Variants in BPTF observed in about 807,000 individuals in gnomAD.
The protein encoded by BPTF is bromodomain PHD finger transcription factor.
BPTF carries 18 observed loss-of-function variants against 292.5 expected under a neutral mutation model. That is an observed-to-expected ratio of 0.06 (90% CI 0.04 to 0.09). BPTF has a LOEUF of 0.09. BPTF is among the 10% of genes least tolerant of loss of function. The pLI, the probability that BPTF is intolerant of heterozygous loss-of-function variation, is 1.00. For synonymous variants in BPTF, 1,225 were observed against 1,251.9 expected (o/e 0.98, Z 0.45); for missense variants, 2,726 against 3,498.7 (o/e 0.78, Z 5.57).
intron 18 of BPTF, among the ~76,000 whole-genome samples, chr17:67,939,513 A>T (rs563056135): frequency 6.6e-6 from 1 of 152,354 alleles, no homozygotes; most frequent in Admixed American, 6.5e-5. Flanking sequence ...AAAGAGGTTT[A>T]TGGAAAACTG....
At chr17:67,875,805 A>G in intron 4 of BPTF, 1 of 1,310,370 alleles carries the variant, frequency 7.6e-7, no homozygotes. Flanking sequence ...TTTGTAGTAA[A>G]AGCCGAATGT....
rs782604446 is a variant in BPTF, at chr17:67,964,175, G to C, written c.8262-37G>C. On this transcript the variant is annotated intron_variant, in intron 24 of 27. Transcript: ENST00000306378. Reference sequence around the variant, plus strand: ...TTTATTATAAGTAACATCATCCCATGTGTTTTGAACTCACATTTCCATTTC... The same window carrying C: ...TTTATTATAAGTAACATCATCCCATCTGTTTTGAACTCACATTTCCATTTC... 54 of 1,582,010 alleles carry C rather than the reference G, an allele frequency of 3.4e-5. 1 individual carries two copies. The highest frequency in any genetic ancestry group is 9.0e-5 in the East Asian group (4 of 44,314).
intron 26 of BPTF, among the ~76,000 whole-genome samples, chr17:67,967,498 A>G (rs982716208): frequency 2.0e-5 from 3 of 151,702 alleles, no homozygotes; most frequent in African/African-American, 4.8e-5. Context: ...CATGTGCACA[A>G]GTATGTTCAT....
At chr17:67,961,535 A>ATG (rs2148335763) in intron 24 of BPTF, among the ~76,000 whole-genome samples, 1 of 152,280 alleles carries the variant, frequency 6.6e-6, no homozygotes, top group African/African-American at 2.4e-5. Context: ...AGTGAAAATC[A>ATG]TGTGAGAGTC....
intron 23 of BPTF, among the ~76,000 whole-genome samples, chr17:67,951,917 T>C (rs1321548324): frequency 1.3e-5 from 2 of 151,714 alleles, no homozygotes; most frequent in Non-Finnish European, 2.9e-5. Flanking sequence ...TAGCTGGGCA[T>C]GGTGGCGCAC....
chr17:67,946,891 T>A (rs1555675755), intron 21 of BPTF, among the ~76,000 whole-genome samples: 2 of 152,254 alleles, frequency 1.3e-5, no homozygotes, highest in Non-Finnish European at 2.9e-5. Context: ...TAAAGTGAAG[T>A]CACACATATA....
chr17:67,949,949 A>G (rs1200460684), intron 23 of BPTF, among the ~76,000 whole-genome samples: 1 of 144,266 alleles, frequency 6.9e-6, no homozygotes, highest in East Asian at 2.2e-4. Flanking sequence ...GCTAGTTAGG[A>G]GTCTGAGGTG....
rs1384692620 is a variant in BPTF at position 67,964,286 on chromosome 17, A to T, written c.8336A>T (p.Glu2779Val). 2 of 1,614,066 alleles carry T rather than the reference A, an allele frequency of 1.2e-6. No homozygotes were observed. Among genetic ancestry groups the T allele is most frequent in the Non-Finnish European group, 1.7e-6 (2 of 1,180,040 alleles). ...GTTGGCATCTTGCAAAGTGAGGCAGAGCTCATTGATGAGTATGTCTGTCCA... is the reference window on the plus strand; with the variant it reads ...GTTGGCATCTTGCAAAGTGAGGCAGTGCTCATTGATGAGTATGTCTGTCCA... The part of the protein sequence containing the change: ...RCVGILQSEA[E>V]LIDEYVCPQC... The change falls in exon 25 of 28, where the codon GAG becomes GTG. Residue 2779 changes from glutamate (E) to valine (V), a missense_variant. By Grantham distance (121) the Glu-to-Val change is moderately radical. Around this residue, in one of 22 missense-constraint regions of BPTF, gnomAD observed 48 missense variants for 114.2 expected, o/e 0.42. Coordinates refer to ENST00000306378, the MANE Select transcript of BPTF (RefSeq NM_182641.4).
chr17:67,967,806 G>A (rs886451353), intron 26 of BPTF, among the ~76,000 whole-genome samples: 2 of 148,098 alleles, frequency 1.4e-5, no homozygotes, highest in Non-Finnish European at 3.0e-5. Context: ...ACGACAGAGC[G>A]AGACTCTGTC....
intron 1 of BPTF, among the ~76,000 whole-genome samples, chr17:67,828,135 T>C (rs527434875): frequency 2.3e-4 from 35 of 152,130 alleles, no homozygotes; most frequent in Non-Finnish European, 4.4e-4. Context: ...TTTCACCATG[T>C]TGGCCAGGCT....
chr17:67,859,924 G>T (rs1240182745), intron 2 of BPTF, among the ~76,000 whole-genome samples: 1 of 152,142 alleles, frequency 6.6e-6, no homozygotes. Context: ...TGACTCAGAT[G>T]ACTTTTTAAG....
intron 5 of BPTF, among the ~76,000 whole-genome samples, chr17:67,892,681 T>A (rs2146288239): frequency 6.6e-6 from 1 of 152,358 alleles, no homozygotes; most frequent in African/African-American, 2.4e-5. Flanking sequence ...GCTTTCATAC[T>A]TCTTTTTGAC....
At chr17:67,955,801 T>A (rs2066874697) in intron 23 of BPTF, 1 of 152,002 alleles carries the variant, frequency 6.6e-6, no homozygotes, top group Admixed American at 6.6e-5. Flanking sequence ...CATGACGGAA[T>A]GAGACTCCAT....
chr17:67,866,866 T>C (rs1350353739), intron 3 of BPTF, among the ~76,000 whole-genome samples, 179 bp downstream of exon 3: 2 of 152,348 alleles, frequency 1.3e-5, no homozygotes, highest in Middle Eastern at 3.4e-3. Flanking sequence ...ATGAACATCA[T>C]AGAGTACACT....
chr17:67,858,076 G>A (rs1054080198), intron 2 of BPTF, among the ~76,000 whole-genome samples: 2 of 152,064 alleles, frequency 1.3e-5, no homozygotes, highest in Admixed American at 6.6e-5. Context: ...GTGAGCCACC[G>A]TGCCCGGCTA....
chr17:67,829,188 C>T (rs1177101935), intron 1 of BPTF, among the ~76,000 whole-genome samples: 2 of 146,424 alleles, frequency 1.4e-5, no homozygotes, highest in African/African-American at 5.1e-5. Context: ...TTTCTGTGAA[C>T]GTTTTTCATT....
chr17:67,878,510 A>G (rs2060184490), intron 4 of BPTF, among the ~76,000 whole-genome samples: 1 of 152,214 alleles, frequency 6.6e-6, no homozygotes, highest in African/African-American at 2.4e-5. Flanking sequence ...TCAACAGTGT[A>G]TGAGAGTTCT....
intron 1 of BPTF, among the ~76,000 whole-genome samples, chr17:67,833,640 C>A (rs1468474372): frequency 6.6e-6 from 1 of 151,060 alleles, no homozygotes; most frequent in Admixed American, 6.6e-5. Flanking sequence ...ATGATCTTGG[C>A]TCACTGCAAC....
At chr17:67,857,125 T>G (rs918108814) in intron 2 of BPTF, among the ~76,000 whole-genome samples, 2 of 151,424 alleles carry the variant, frequency 1.3e-5, no homozygotes, top group Non-Finnish European at 2.9e-5. Flanking sequence ...CCCTACTTTA[T>G]CCTTATGAGT....
Sources: gnomAD v4.1 joint callset for allele counts (sites outside exome capture counted in the v4.1 genomes callset) on GRCh38, gnomAD v4.1.1 for gene constraint, gnomAD v4.1.1 regional missense constraint, MANE v1.5 for transcripts, NCBI Gene and HGNC (gene_info 2026-07-23, HGNC 2026-07-21) for gene names.